FRMPD1: variants seen among roughly 807,000 people sequenced by gnomAD.
FRMPD1 encodes FERM and PDZ domain containing 1.
A neutral mutation model predicts 117.8 loss-of-function variants in FRMPD1; 76 were observed. That is an observed-to-expected ratio of 0.65 (90% CI 0.54 to 0.78). The LOEUF is 0.78. FRMPD1 is among the 30% of genes least tolerant of loss of function. The probability of loss-of-function intolerance (pLI) is 0.00; values close to 1 mark genes in which losing one functional copy is unlikely to be tolerated. For missense variants in FRMPD1, 1,786 were observed against 1,964.5 expected, an observed-to-expected ratio of 0.91 and a Z score of 1.72; for synonymous variants, 783 against 770.4, an observed-to-expected ratio of 1.02 and a Z score of -0.27.
chr9:37,694,798 T>C (rs1037315398), intron 2 of FRMPD1, among the ~76,000 whole-genome samples: 56 of 152,250 alleles, frequency 3.7e-4, no homozygotes, highest in African/African-American at 1.3e-3. Context: ...TAGCATAATA[T>C]ATTATTTTAC....
Position 37,732,300 on chromosome 9 carries a change from C to T in FRMPD1, c.859-4C>T, listed in dbSNP as rs2118395580. 1.2e-6 allele frequency: 2 copies of T among 1,613,068 alleles called. No individual in the cohort carries two copies. Among genetic ancestry groups the T allele is most frequent in the East Asian group, 2.2e-5 (1 of 44,890 alleles). ...TCCCATCTGCTCTATTTAATCTCTT[C>T]TAGAGCTGCAGCGATGTGCTCCAGG... On this transcript the variant is annotated splice_polypyrimidine_tract_variant and splice_region_variant and intron_variant, in intron 9 of 15. Coordinates refer to ENST00000377765, the MANE Select transcript of FRMPD1 (RefSeq NM_014907.3).
chr9:37,652,339 A>G (rs1820700495), intron 1 of FRMPD1, among the ~76,000 whole-genome samples: 1 of 152,210 alleles, frequency 6.6e-6, no homozygotes, highest in Non-Finnish European at 1.5e-5. Context: ...GGACTGGTGC[A>G]TTCTGGCACA....
Position 37,708,388 on chromosome 9 carries a change from C to A in FRMPD1, c.260-11C>A. 7 of 1,555,134 alleles carry A rather than the reference C, an allele frequency of 4.5e-6. No individual in the cohort carries two copies. Among genetic ancestry groups the A allele is most frequent in the Non-Finnish European group, 6.2e-6 (7 of 1,126,834 alleles). On this transcript the variant is annotated splice_polypyrimidine_tract_variant and intron_variant, in intron 3 of 15. Coordinates refer to ENST00000377765, the MANE Select transcript of FRMPD1 (RefSeq NM_014907.3). ...GGCATGAGCACCAATTACTTATTTT[C>A]TGTCCAACAGGAGGCTCTGCTCACG...
intron 1 of FRMPD1, among the ~76,000 whole-genome samples, chr9:37,666,231 T>C (rs906366307): frequency 6.6e-6 from 1 of 152,184 alleles, no homozygotes; most frequent in Admixed American, 6.5e-5. Flanking sequence ...TGTTCTGCGT[T>C]ACTCAGAAAT....
At position 37,746,721 on chromosome 9, in the gene FRMPD1, C is replaced by T. The variant is rs76149728; in HGVS notation, c.4689C>T (p.Ala1563=). 3,311 of 1,614,084 alleles carry T rather than the reference C, an allele frequency of 2.1e-3. 5 individuals are homozygous for T. The highest frequency in any genetic ancestry group is 2.4e-3 in the Non-Finnish European group (2,890 of 1,180,036). The change falls in exon 16 of 16, where the codon GCC becomes GCT. Residue 1563 remains alanine, a synonymous_variant. Coordinates refer to ENST00000377765, the MANE Select transcript of FRMPD1 (RefSeq NM_014907.3). The part of the protein sequence containing the change: ...LLARQCTALT[A]AVFCLTQKFR... The stretch of plus-strand genomic sequence containing the variant: ...CCCGTCAGTGCACGGCCCTCACGGC[C>T]GCCGTGTTCTGTTTGACCCAGAAGT...
At chr9:37,612,684 G>C in the FRMPD1 span, among the ~76,000 whole-genome samples, 1 of 152,174 alleles carries the variant, frequency 6.6e-6, no homozygotes, top group Non-Finnish European at 1.5e-5. Context: ...TAGAGACAAG[G>C]TTTCACCACA....
At chr9:37,654,743 A>G (rs755189080) in intron 1 of FRMPD1, among the ~76,000 whole-genome samples, 2 of 152,244 alleles carry the variant, frequency 1.3e-5, no homozygotes, top group Non-Finnish European at 2.9e-5. Context: ...TGCATGTACA[A>G]CTAGACAGTC....
chr9:37,647,887 A>T (rs1824171704), upstream of FRMPD1, among the ~76,000 whole-genome samples: 1 of 152,258 alleles, frequency 6.6e-6, no homozygotes, highest in African/African-American at 2.4e-5. Flanking sequence ...ATAATAGCTT[A>T]TGTAAAGTAT....
At chr9:37,603,670 A>G in the FRMPD1 span, among the ~76,000 whole-genome samples, 1,768 of 143,196 alleles carry the variant, frequency 0.012, 42 homozygotes, top group African/African-American at 0.045. Flanking sequence ...GTTTTGTTTT[A>G]TTTTGTTTTG....
the FRMPD1 span, among the ~76,000 whole-genome samples, chr9:37,642,409 ATTAT>A: frequency 0.031 from 4,721 of 152,090 alleles, 224 homozygotes; most frequent in African/African-American, 0.11. Flanking sequence ...ACTTGGACTT[ATTAT>A]TTAGTTTCTT....
chr9:37,679,423 G>A, intron 1 of FRMPD1, among the ~76,000 whole-genome samples: 1 of 152,210 alleles, frequency 6.6e-6, no homozygotes, highest in East Asian at 1.9e-4. Flanking sequence ...CAATTCAGAA[G>A]TTTTGGTATA....
At chr9:37,673,410 C>T (rs1047819886) in intron 1 of FRMPD1, among the ~76,000 whole-genome samples, 1 of 152,218 alleles carries the variant, frequency 6.6e-6, no homozygotes. Flanking sequence ...CAGGGTACAG[C>T]CTCCCTCCCA....
At chr9:37,732,238 C>T (rs760940566) in intron 9 of FRMPD1, 66 bp from the exon 10 acceptor site, 71 of 1,556,246 alleles carry the variant, frequency 4.6e-5, no homozygotes, top group Non-Finnish European at 5.3e-5. Flanking sequence ...GCCTTTCACC[C>T]GAGAGAACGA....
At chr9:37,650,369 A>G (rs1329438419), upstream of FRMPD1, among the ~76,000 whole-genome samples, 1 of 152,122 alleles carries the variant, frequency 6.6e-6, no homozygotes, top group East Asian at 1.9e-4. Flanking sequence ...AGACCGAGGG[A>G]GTGGCTGGAG....
At chr9:37,645,181 C>A in the FRMPD1 span, among the ~76,000 whole-genome samples, 2 of 151,626 alleles carry the variant, frequency 1.3e-5, no homozygotes, top group South Asian at 4.2e-4. Context: ...CCAGTCCTAT[C>A]TTTTCAAAGC....
chr9:37,618,328 G>A, the FRMPD1 span, among the ~76,000 whole-genome samples: 7 of 152,140 alleles, frequency 4.6e-5, no homozygotes, highest in Non-Finnish European at 1.0e-4. Flanking sequence ...GGCTGTTACA[G>A]GGGACAAATG....
the FRMPD1 span, among the ~76,000 whole-genome samples, chr9:37,629,669 T>C: frequency 6.6e-6 from 1 of 152,196 alleles, no homozygotes; most frequent in Non-Finnish European, 1.5e-5. Flanking sequence ...TTATACTTAG[T>C]TTATAGTTCA....
chr9:37,630,816 G>A, the FRMPD1 span, among the ~76,000 whole-genome samples: 1 of 152,168 alleles, frequency 6.6e-6, no homozygotes, highest in Non-Finnish European at 1.5e-5. Context: ...GTTCTTTGTG[G>A]AGCTCCCATG....
chr9:37,610,726 C>T, the FRMPD1 span, among the ~76,000 whole-genome samples: 17 of 151,952 alleles, frequency 1.1e-4, no homozygotes, highest in African/African-American at 4.1e-4. Flanking sequence ...TCCTGAGTAG[C>T]TGCGATTACA....
Sources: gnomAD v4.1 joint callset for allele counts (sites outside exome capture counted in the v4.1 genomes callset) on GRCh38, gnomAD v4.1.1 for gene constraint, MANE v1.5 for transcripts, NCBI Gene and HGNC (gene_info 2026-07-23, HGNC 2026-07-21) for gene names.